The following DHCR7 variants were observed in gnomAD, a reference collection of about 807,000 sequenced individuals.
The protein encoded by DHCR7 is 7-DHC reductase.
A neutral mutation model predicts 43.3 loss-of-function variants in DHCR7; 40 were observed. The ratio of observed to expected loss-of-function variants is 0.92; its 90% CI spans 0.72 to 1.20. The LOEUF (loss-of-function observed/expected upper bound fraction) is 1.20, where lower values mean the gene tolerates loss of function less well. Among genes scored for constraint, DHCR7 ranks in the 50% most tolerant of loss-of-function variants. The pLI is 0.00. For missense variants in DHCR7, 608 were observed against 644.6 expected (o/e 0.94, Z 0.62); for synonymous variants, 298 against 271.4 (o/e 1.10, Z -0.96).
At chr11:71,443,570 C>T (rs1949370507) in intron 4 of DHCR7, among the ~76,000 whole-genome samples, 1 of 152,156 alleles carries the variant, frequency 6.6e-6, no homozygotes, top group Admixed American at 6.5e-5. Flanking sequence ...GGAAACATGG[C>T]CCTCGCTTCT....
At position 71,435,342 on chromosome 11, in the gene DHCR7, C is replaced by G; in HGVS notation, c.*33G>C. The G allele has an allele frequency of 6.2e-7, 1 of 1,605,006 alleles. No homozygotes were observed. The highest frequency in any genetic ancestry group is 8.5e-7 in the Non-Finnish European group (1 of 1,176,654). ...TGGACCTGGCAGAACACGCTCTTGACAGCCCCACAGGGCTTCTCCCTAGGG... is the reference window on the plus strand; with the variant it reads ...TGGACCTGGCAGAACACGCTCTTGAGAGCCCCACAGGGCTTCTCCCTAGGG... On this transcript the variant is annotated 3_prime_UTR_variant, in exon 9 of 9. Transcript: ENST00000355527.
chr11:71,446,875 T>C (rs932732321), intron 2 of DHCR7, among the ~76,000 whole-genome samples: 5 of 152,204 alleles, frequency 3.3e-5, no homozygotes, highest in African/African-American at 4.8e-5. Flanking sequence ...TCCTTATATC[T>C]GTAAAATCAA....
At chr11:71,441,609 C>T (rs1395424940) in intron 5 of DHCR7, among the ~76,000 whole-genome samples, 169 bp from the exon 6 acceptor site, 1 of 152,166 alleles carries the variant, frequency 6.6e-6, no homozygotes, top group Non-Finnish European at 1.5e-5. Context: ...TACCCTTGGC[C>T]AAGGAACTAC....
At chr11:71,442,593 C>T (rs1949360966) in intron 4 of DHCR7, among the ~76,000 whole-genome samples, 2 of 152,126 alleles carry the variant, frequency 1.3e-5, no homozygotes, top group African/African-American at 4.8e-5. Flanking sequence ...CAGGAGAGCG[C>T]ACAGGTCCCT....
At chr11:71,430,350 G>A (rs542363070), downstream of DHCR7, among the ~76,000 whole-genome samples, 13 of 152,330 alleles carry the variant, frequency 8.5e-5, no homozygotes, top group South Asian at 2.1e-4. Context: ...TGTGGGATCC[G>A]GCCGGCCATT....
chr11:71,442,545 G>A (rs993355180), intron 4 of DHCR7, among the ~76,000 whole-genome samples, 192 bp from the exon 5 acceptor site: 21 of 152,182 alleles, frequency 1.4e-4, no homozygotes, highest in Admixed American at 1.3e-4. Flanking sequence ...ACCAGGGAAG[G>A]TGCCAAGGCG....
At chr11:71,438,621 C>T (rs570450132) in intron 7 of DHCR7, 1 of 567,220 alleles carries the variant, frequency 1.8e-6, no homozygotes, top group South Asian at 2.0e-5. Flanking sequence ...CAGGTGTAAT[C>T]CCCAAGGGAG....
chr11:71,444,353 G>C, intron 3 of DHCR7, 138 bp from the exon 4 acceptor site: 2 of 730,956 alleles, frequency 2.7e-6, no homozygotes, highest in Admixed American at 2.2e-5. Flanking sequence ...CTCCTAGCAC[G>C]GGCCCTCCTT....
Position 71,434,948 on chromosome 11 carries a change from T to C in DHCR7, c.*427A>G. On this transcript the variant is annotated 3_prime_UTR_variant, in exon 9 of 9. Coordinates refer to ENST00000355527, the MANE Select transcript of DHCR7 (RefSeq NM_001360.3). ...CTAGAGCTGAAAGGCAATACATGGA[T>C]AACGCGCACGCCCCACTCCCACTTT... 1 of 375,554 alleles carries C rather than the reference T, an allele frequency of 2.7e-6. No individual in the cohort carries two copies. The highest frequency in any genetic ancestry group is 2.0e-5 in the South Asian group (1 of 50,278). 23.3% of individuals were successfully genotyped at this position (375,554 alleles called of 1,614,324 possible).
chr11:71,443,993 C>A lies in DHCR7; in HGVS notation c.321G>T (p.Gln107His). The change falls in exon 4 of 9, where the codon CAG becomes CAT. Residue 107 changes from glutamine to histidine, a missense_variant and splice_region_variant. Coordinates refer to ENST00000355527, the MANE Select transcript of DHCR7 (RefSeq NM_001360.3). Reference protein sequence around the residue: ...AQLYTLWVTFQVLLYTSLPDF... With the variant: ...AQLYTLWVTFHVLLYTSLPDF... ...CAACCCCAGGGCAGGGGCTGCTGACCTGGAAGGTGACCCACAAGGTATAGA... is the reference window on the plus strand; with the variant it reads ...CAACCCCAGGGCAGGGGCTGCTGACATGGAAGGTGACCCACAAGGTATAGA... The A allele has an allele frequency of 6.2e-7, 1 of 1,610,412 alleles. No homozygotes were observed. Among genetic ancestry groups the A allele is most frequent in the Non-Finnish European group, 8.5e-7 (1 of 1,178,136 alleles).
At position 71,434,937 on chromosome 11, in the gene DHCR7, C is replaced by T. The variant is rs886048615; in HGVS notation, c.*438G>A. The stretch of plus-strand genomic sequence containing the variant: ...GGGAGGGGGATCTAGAGCTGAAAGG[C>T]AATACATGGATAACGCGCACGCCCC... On this transcript the variant is annotated 3_prime_UTR_variant, in exon 9 of 9. Transcript: ENST00000355527. 71 of 370,042 alleles carry T rather than the reference C, an allele frequency of 1.9e-4. No homozygotes were observed. Among genetic ancestry groups the T allele is most frequent in the Admixed American group, 2.8e-4 (8 of 29,000 alleles). The allele number at this position is 370,042 out of a possible 1,614,324, so 22.9% of individuals were successfully genotyped here. A position where few individuals can be genotyped will look rare whatever the true frequency, so the allele number is the denominator to read the frequency against.
intron 4 of DHCR7, 182 bp downstream of exon 4, chr11:71,443,811 C>T (rs1949373792): frequency 3.4e-6 from 2 of 595,638 alleles, no homozygotes; most frequent in East Asian, 5.6e-5. Flanking sequence ...CAGGTGCCTC[C>T]TGCCTTACAG....
At chr11:71,444,812 C>T (rs768261490) in intron 3 of DHCR7, 43 bp downstream of exon 3, 122 of 1,557,234 alleles carry the variant, frequency 7.8e-5, no homozygotes, top group Non-Finnish European at 1.0e-4. Context: ...AGCTCTGAGA[C>T]CACACTTTAC....
chr11:71,441,569 G>A, intron 5 of DHCR7, 129 bp from the exon 6 acceptor site: 1 of 814,168 alleles, frequency 1.2e-6, no homozygotes, highest in Admixed American at 2.0e-5. Context: ...CCCTCATCTG[G>A]GGCCCCAGGA....
Position 71,442,305 on chromosome 11 carries a change from C to T in DHCR7, c.370G>A (p.Gly124Ser), listed in dbSNP as rs748879289. 1.9e-5 allele frequency: 31 copies of T among 1,613,760 alleles called. No homozygotes were observed. The highest frequency in any genetic ancestry group is 2.5e-5 in the Non-Finnish European group (29 of 1,179,950). ...LPDFCHKFLP[G>S]YVGGIQEGAV... is the part of the protein sequence containing the mutation. The stretch of plus-strand genomic sequence containing the variant: ...CCCTCCTGGATGCCTCCTACGTAGC[C>T]GGGTAGAAACTTATGGCAGAAGTCA... Residue 124 changes from glycine (G) to serine (S), a missense_variant, in exon 5 of 9, where the codon GGC (glycine) becomes AGC (serine). Gly to Ser is a moderately conservative substitution (Grantham distance 56). Coordinates refer to ENST00000355527, the MANE Select transcript of DHCR7 (RefSeq NM_001360.3).
Position 71,438,924 on chromosome 11 carries a change from G to T in DHCR7, c.786C>A (p.Leu262=). 1 of 1,613,972 alleles carries T rather than the reference G, an allele frequency of 6.2e-7. No individual in the cohort carries two copies. The highest frequency in any genetic ancestry group is 8.5e-7 in the Non-Finnish European group (1 of 1,180,036). ...NLSFAAKQRE[L]HSHVTNAMVL... ...CCATGGCATTGGTCACATGGCTGTG[G>T]AGCTCCCGCTGCTTCGCTGCGAAGG... The change falls in exon 7 of 9, where the codon CTC becomes CTA. Residue 262 remains leucine (L), a synonymous_variant. Transcript: ENST00000355527.
At chr11:71,448,177 C>T (rs972795308) in intron 1 of DHCR7, 113 bp downstream of exon 1, 1 of 153,762 alleles carries the variant, frequency 6.5e-6, no homozygotes, top group African/African-American at 2.4e-5. Flanking sequence ...GCGCACGCCC[C>T]CTACCCCTGA....
chr11:71,436,069 A>G (rs1949277237), intron 8 of DHCR7: 2 of 579,486 alleles, frequency 3.5e-6, no homozygotes, highest in South Asian at 2.1e-5. Context: ...GTGTGTGTGT[A>G]TATATACCCC....
chr11:71,436,256 A>G (rs1440149979), intron 8 of DHCR7, among the ~76,000 whole-genome samples: 1 of 152,250 alleles, frequency 6.6e-6, no homozygotes, highest in Non-Finnish European at 1.5e-5. Flanking sequence ...TATGTTAATC[A>G]GTCAACCAGG....
Sources: allele counts gnomAD v4.1 joint callset (sites outside exome capture counted in the v4.1 genomes callset), GRCh38; gene constraint gnomAD v4.1.1; transcripts MANE v1.5; gene names NCBI Gene and HGNC (gene_info 2026-07-23, HGNC 2026-07-21).